Variants in RNLS observed in about 807,000 individuals in gnomAD.
RNLS encodes the protein renalase, FAD dependent amine oxidase.
RNLS carries 39 observed loss-of-function variants against 39.8 expected under a neutral mutation model. That is an observed-to-expected ratio of 0.98 (90% CI 0.76 to 1.28). The LOEUF (loss-of-function observed/expected upper bound fraction) is 1.28, where lower values mean the gene tolerates loss of function less well. Ranked by LOEUF, RNLS falls within the 50% of genes most tolerant of loss-of-function variation. RNLS has a pLI of 0.00. For synonymous variants in RNLS, 147 were observed against 150.7 expected, an observed-to-expected ratio of 0.98 and a Z score of 0.18; for missense variants, 410 against 413.3, an observed-to-expected ratio of 0.99 and a Z score of 0.07.
At chr10:88,477,729 A>G (rs1007832451) in intron 4 of RNLS, among the ~76,000 whole-genome samples, 2 of 152,172 alleles carry the variant, frequency 1.3e-5, no homozygotes, top group African/African-American at 4.8e-5. Flanking sequence ...TGACCTTCCT[A>G]TGAGGTGGGT....
chr10:88,207,687 G>C, the RNLS span, among the ~76,000 whole-genome samples: 1 of 152,176 alleles, frequency 6.6e-6, no homozygotes, highest in Non-Finnish European at 1.5e-5. Context: ...ATGATAGTCA[G>C]TCAATCCTTG....
At chr10:88,291,866 C>G (rs1843691911) in intron 6 of RNLS, among the ~76,000 whole-genome samples, 2 of 152,142 alleles carry the variant, frequency 1.3e-5, no homozygotes, top group South Asian at 4.2e-4. Flanking sequence ...TTCTAAGACC[C>G]CTCTCCAGGA....
the RNLS span, among the ~76,000 whole-genome samples, chr10:88,216,692 T>G: frequency 6.6e-6 from 1 of 151,998 alleles, no homozygotes; most frequent in Non-Finnish European, 1.5e-5. Flanking sequence ...TCAAGAACCA[T>G]AAATGCTGGA....
chr10:88,432,128 T>A (rs72820031), intron 4 of RNLS, among the ~76,000 whole-genome samples: 18,155 of 151,754 alleles, frequency 0.12, 1,184 homozygotes, highest in Admixed American at 0.2. Context: ...TTATCATGTA[T>A]TTTGCAATTT....
chr10:88,200,587 G>A, the RNLS span, among the ~76,000 whole-genome samples: 5 of 152,230 alleles, frequency 3.3e-5, no homozygotes, highest in South Asian at 2.1e-4. Context: ...AGAACAAATC[G>A]TGCCATTCCA....
chr10:88,380,156 T>A (rs1240679734), intron 4 of RNLS, among the ~76,000 whole-genome samples: 1 of 152,152 alleles, frequency 6.6e-6, no homozygotes, highest in Non-Finnish European at 1.5e-5. Flanking sequence ...TATTGATCAT[T>A]TGCATTTCTT....
intron 4 of RNLS, among the ~76,000 whole-genome samples, chr10:88,457,679 G>C (rs919312887): frequency 6.6e-6 from 1 of 152,184 alleles, no homozygotes; most frequent in African/African-American, 2.4e-5. Context: ...TTTTAACTCA[G>C]ACCCAGGAGG....
chr10:88,441,457 G>C (rs1454902001), intron 4 of RNLS, among the ~76,000 whole-genome samples: 1 of 152,190 alleles, frequency 6.6e-6, no homozygotes, highest in Non-Finnish European at 1.5e-5. Context: ...ATACTGAAAG[G>C]CACATTACTT....
chr10:88,565,410 A>T (rs993727570), intron 4 of RNLS, among the ~76,000 whole-genome samples: 1 of 152,198 alleles, frequency 6.6e-6, no homozygotes, highest in Middle Eastern at 3.2e-3. Flanking sequence ...CTTCATACTG[A>T]GGTCATGTTT....
chr10:88,491,992 A>T (rs1010999751), intron 4 of RNLS, among the ~76,000 whole-genome samples: 50 of 151,586 alleles, frequency 3.3e-4, no homozygotes, highest in African/African-American at 1.2e-3. Flanking sequence ...AAATAAAATC[A>T]GTAGCCTAAA....
intron 4 of RNLS, among the ~76,000 whole-genome samples, chr10:88,475,606 A>T (rs542483370): frequency 1.3e-5 from 2 of 152,126 alleles, no homozygotes; most frequent in Non-Finnish European, 2.9e-5. Flanking sequence ...TCCTATGTCA[A>T]GAGGTATTTT....
chr10:88,401,507 T>C (rs991706922), intron 4 of RNLS, among the ~76,000 whole-genome samples: 3 of 152,026 alleles, frequency 2.0e-5, no homozygotes, highest in African/African-American at 7.2e-5. Context: ...TTTCTTTTTC[T>C]GATGGTTCAA....
intron 6 of RNLS, among the ~76,000 whole-genome samples, chr10:88,297,409 CCTTAATGACCATTGATGGTCATTGT>C (rs1844170618): frequency 6.6e-6 from 1 of 152,086 alleles, no homozygotes; most frequent in South Asian, 2.1e-4. Flanking sequence ...ATTTGAACTC[CCTTAATGACCATTGATGGTCATTGT>C]CTTTCTGTGT....
At chr10:88,282,431 C>T (rs1256825063), downstream of RNLS, among the ~76,000 whole-genome samples, 1 of 151,452 alleles carries the variant, frequency 6.6e-6, no homozygotes, top group African/African-American at 2.4e-5. Flanking sequence ...TAAGAATTCT[C>T]TGCTCTGCTT....
At chr10:88,355,163 C>T (rs1445963443) in intron 5 of RNLS, among the ~76,000 whole-genome samples, 2 of 152,178 alleles carry the variant, frequency 1.3e-5, no homozygotes, top group Admixed American at 6.5e-5. Context: ...GTTAGAACTT[C>T]CTCCTTTAGC....
In RNLS at chr10:88,284,111, A is replaced by T; in HGVS notation, c.*1243T>A. ...TGACATTAACCACATGTTGGCATTT[A>T]AGTTTTTCACCAATTTATTGCTAAG... On this transcript the variant is annotated 3_prime_UTR_variant, in exon 7 of 7. Coordinates refer to ENST00000331772, the MANE Select transcript of RNLS (RefSeq NM_001031709.3). 1 of 982,242 alleles carries T rather than the reference A, an allele frequency of 1.0e-6. No homozygotes were observed. Among genetic ancestry groups the T allele is most frequent in the African/African-American group, 1.7e-5 (1 of 57,260 alleles). 60.8% of individuals were successfully genotyped at this position (982,242 alleles called of 1,614,324 possible). A position where few individuals can be genotyped will look rare whatever the true frequency, so the allele number is the denominator to read the frequency against.
At chr10:88,339,417 A>C (rs960808675) in intron 5 of RNLS, among the ~76,000 whole-genome samples, 2 of 152,134 alleles carry the variant, frequency 1.3e-5, no homozygotes, top group African/African-American at 4.8e-5. Context: ...GTTTTTTATT[A>C]AGGTCTTCAG....
the RNLS span, among the ~76,000 whole-genome samples, chr10:88,229,326 G>C: frequency 6.6e-6 from 1 of 152,060 alleles, no homozygotes; most frequent in South Asian, 2.1e-4. Context: ...GGCTTCTGTT[G>C]GCTCCTCTCA....
At chr10:88,420,273 A>G (rs920916705) in intron 4 of RNLS, among the ~76,000 whole-genome samples, 1 of 152,154 alleles carries the variant, frequency 6.6e-6, no homozygotes, top group African/African-American at 2.4e-5. Context: ...CCAGAGTGCC[A>G]TATAAACTGT....
Sources: allele counts gnomAD v4.1 joint callset (sites outside exome capture counted in the v4.1 genomes callset), GRCh38; gene constraint gnomAD v4.1.1; transcripts MANE v1.5; gene names NCBI Gene and HGNC (gene_info 2026-07-23, HGNC 2026-07-21).